Variants in KLHL32 observed in about 807,000 individuals in gnomAD.
KLHL32 encodes the protein kelch-like protein 32.
Under a neutral mutation model 64.8 loss-of-function variants are expected in KLHL32, and 35 were observed. The observed-to-expected ratio is 0.54, with a 90% CI of 0.41 to 0.72. The LOEUF (loss-of-function observed/expected upper bound fraction) is 0.72, where lower values mean the gene tolerates loss of function less well. Among genes scored for constraint, KLHL32 ranks in the 30% least tolerant of loss-of-function variants. The pLI, the probability that KLHL32 is intolerant of heterozygous loss-of-function variation, is 0.00. For missense variants in KLHL32, 589 were observed against 768.5 expected (o/e 0.77, Z 2.76); for synonymous variants, 259 against 281.0 (o/e 0.92, Z 0.78).
At chr6:96,989,140 T>C (rs1777534563) in intron 3 of KLHL32, among the ~76,000 whole-genome samples, 2 of 152,204 alleles carry the variant, frequency 1.3e-5, no homozygotes, top group African/African-American at 4.8e-5. Flanking sequence ...TTTCCTTTCA[T>C]TGTGTTGTTA....
intron 2 of KLHL32, among the ~76,000 whole-genome samples, chr6:96,968,783 T>C (rs1160969846): frequency 6.6e-6 from 1 of 152,128 alleles, no homozygotes; most frequent in South Asian, 2.1e-4. Flanking sequence ...TCCGACTTCA[T>C]TGAGACCCAT....
chr6:97,019,753 A>G (rs1781729595), intron 3 of KLHL32, among the ~76,000 whole-genome samples: 1 of 152,124 alleles, frequency 6.6e-6, no homozygotes, highest in Admixed American at 6.5e-5. Flanking sequence ...ATAAAAGCAG[A>G]CATTCATGAA....
chr6:96,936,447 C>G (rs1224513066), intron 1 of KLHL32, among the ~76,000 whole-genome samples: 8 of 152,180 alleles, frequency 5.3e-5, no homozygotes, highest in Admixed American at 3.9e-4. Context: ...CAGAGCCTCT[C>G]CATTTTTGGT....
At chr6:97,077,968 C>T (rs146753526) in intron 5 of KLHL32, among the ~76,000 whole-genome samples, 1,798 of 152,222 alleles carry the variant, frequency 0.012, 44 homozygotes, top group African/African-American at 0.042. Context: ...TAGTGACAAG[C>T]TTATGTGTAT....
At chr6:97,042,677 A>C (rs1234680667) in intron 4 of KLHL32, among the ~76,000 whole-genome samples, 1 of 152,144 alleles carries the variant, frequency 6.6e-6, no homozygotes, top group Non-Finnish European at 1.5e-5. Context: ...ATGTTGAACT[A>C]TACAATGCAT....
intron 3 of KLHL32, among the ~76,000 whole-genome samples, chr6:96,984,704 T>G (rs1776782497): frequency 6.6e-6 from 1 of 152,224 alleles, no homozygotes; most frequent in Admixed American, 6.5e-5. Flanking sequence ...CCCCTGCCTT[T>G]TTTTGTTTTC....
At chr6:96,969,032 G>C (rs1222921173) in intron 2 of KLHL32, among the ~76,000 whole-genome samples, 1 of 152,056 alleles carries the variant, frequency 6.6e-6, no homozygotes, top group South Asian at 2.1e-4. Flanking sequence ...AACTGTAGTC[G>C]GGGTCATTGT....
At chr6:97,081,080 AT>A (rs1792428055) in intron 5 of KLHL32, among the ~76,000 whole-genome samples, 1 of 152,130 alleles carries the variant, frequency 6.6e-6, no homozygotes, top group Non-Finnish European at 1.5e-5. Context: ...TGAAAACATG[AT>A]TTGTTTCTGC....
chr6:97,057,826 T>C (rs909948921), intron 4 of KLHL32, among the ~76,000 whole-genome samples: 7 of 152,170 alleles, frequency 4.6e-5, no homozygotes, highest in African/African-American at 1.4e-4. Context: ...ATACCCAAAG[T>C]TATCTAGATC....
chr6:97,012,505 A>G (rs1172469201), intron 3 of KLHL32, among the ~76,000 whole-genome samples: 1 of 152,210 alleles, frequency 6.6e-6, no homozygotes, highest in Non-Finnish European at 1.5e-5. Context: ...TAGCCCAGTG[A>G]GACGCATTTT....
chr6:96,925,217 C>T (rs2127984289), intron 1 of KLHL32, among the ~76,000 whole-genome samples, 191 bp downstream of exon 1: 1 of 152,304 alleles, frequency 6.6e-6, no homozygotes. Context: ...CCTGGAGTCG[C>T]TCCCCCTTTC....
At chr6:96,948,198 A>G (rs978249314) in intron 1 of KLHL32, among the ~76,000 whole-genome samples, 1 of 152,192 alleles carries the variant, frequency 6.6e-6, no homozygotes, top group Non-Finnish European at 1.5e-5. Flanking sequence ...AGCACAATGT[A>G]CAATGAGCGG....
chr6:96,967,157 A>G, intron 2 of KLHL32, 74 bp downstream of exon 2: 1 of 1,358,956 alleles, frequency 7.4e-7, no homozygotes, highest in Non-Finnish European at 1.0e-6. Flanking sequence ...TCTAGGATCA[A>G]GCACAAAGCA....
At chr6:97,034,724 T>C (rs936344558) in intron 3 of KLHL32, among the ~76,000 whole-genome samples, 4 of 152,224 alleles carry the variant, frequency 2.6e-5, no homozygotes, top group African/African-American at 9.6e-5. Flanking sequence ...GTTACTTCTT[T>C]GATTACATGT....
intron 6 of KLHL32, 82 bp from the exon 7 acceptor site, chr6:97,113,701 C>A: frequency 1.4e-6 from 2 of 1,468,324 alleles, no homozygotes; most frequent in South Asian, 1.3e-5. Flanking sequence ...TGGAAGAATA[C>A]AGGTAACCTA....
intron 3 of KLHL32, among the ~76,000 whole-genome samples, chr6:97,027,538 G>T (rs1448481183): frequency 6.6e-6 from 1 of 152,070 alleles, no homozygotes; most frequent in Non-Finnish European, 1.5e-5. Flanking sequence ...TGATAAGAAG[G>T]AAATGGACCA....
intron 5 of KLHL32, among the ~76,000 whole-genome samples, chr6:97,068,967 T>G (rs1291209851): frequency 1.3e-5 from 2 of 152,134 alleles, no homozygotes; most frequent in African/African-American, 4.8e-5. Context: ...TGCTGGGATG[T>G]GAGAGGCTGG....
chr6:97,073,639 C>T (rs977064049), intron 5 of KLHL32, among the ~76,000 whole-genome samples: 2 of 152,058 alleles, frequency 1.3e-5, no homozygotes, highest in African/African-American at 4.8e-5. Context: ...CTGCATGTAC[C>T]ATAAGAGCTC....
chr6:97,119,455 T>C (rs1033611794), intron 7 of KLHL32, among the ~76,000 whole-genome samples: 2 of 152,146 alleles, frequency 1.3e-5, no homozygotes, highest in Non-Finnish European at 2.9e-5. Context: ...GGCAGAAGTT[T>C]GGGAAACACT....
Sources: allele counts gnomAD v4.1 joint callset (sites outside exome capture counted in the v4.1 genomes callset), GRCh38; gene constraint gnomAD v4.1.1; transcripts MANE v1.5; gene names NCBI Gene and HGNC (gene_info 2026-07-23, HGNC 2026-07-21).